PAG1: variants seen among roughly 807,000 people sequenced by gnomAD.
PAG1 encodes phosphoprotein membrane anchor with glycosphingolipid microdomains 1, also known as phosphoprotein associated with glycosphingolipid-enriched microdomains 1.
PAG1 carries 23 observed loss-of-function variants against 31.7 expected under a neutral mutation model. The observed-to-expected ratio is 0.73, with a 90% CI of 0.52 to 1.03. The LOEUF (loss-of-function observed/expected upper bound fraction) is 1.03, where lower values mean the gene tolerates loss of function less well. PAG1 is among the 50% of genes least tolerant of loss of function. The pLI is 0.00. For synonymous variants in PAG1, 214 were observed against 210.3 expected (o/e 1.02, Z -0.15); for missense variants, 473 against 540.7 (o/e 0.87, Z 1.24).
chr8:81,074,299 T>C (rs952894226), intron 1 of PAG1, among the ~76,000 whole-genome samples: 1 of 151,772 alleles, frequency 6.6e-6, no homozygotes, highest in East Asian at 1.9e-4. Flanking sequence ...TTACGCAGGG[T>C]TGGGGTTTTG....
chr8:80,981,063 G>A (rs919938696), intron 7 of PAG1, among the ~76,000 whole-genome samples: 16 of 151,850 alleles, frequency 1.1e-4, no homozygotes, highest in African/African-American at 1.9e-4. Flanking sequence ...TCTAAATCCC[G>A]CCCTTCAGTT....
intron 1 of PAG1, among the ~76,000 whole-genome samples, chr8:81,095,125 A>T (rs1351348725): frequency 6.6e-6 from 1 of 152,216 alleles, no homozygotes; most frequent in Non-Finnish European, 1.5e-5. Flanking sequence ...TCATTAGATG[A>T]GGACCAGGTA....
At chr8:81,053,505 T>C (rs1192029277) in intron 2 of PAG1, among the ~76,000 whole-genome samples, 3 of 152,222 alleles carry the variant, frequency 2.0e-5, no homozygotes, top group African/African-American at 4.8e-5. Flanking sequence ...TGACAGACTG[T>C]CAAAGGAATT....
intron 2 of PAG1, among the ~76,000 whole-genome samples, chr8:81,038,987 C>T (rs997263214): frequency 6.6e-6 from 1 of 152,124 alleles, no homozygotes; most frequent in African/African-American, 2.4e-5. Flanking sequence ...TGTTTAAACA[C>T]CCTAACAAGA....
intron 1 of PAG1, among the ~76,000 whole-genome samples, chr8:81,111,218 C>T (rs1438875738): frequency 3.3e-5 from 5 of 152,170 alleles, no homozygotes; most frequent in Admixed American, 2.0e-4. Flanking sequence ...AAAGATCCAT[C>T]GCAGTGCTGG....
At chr8:80,979,234 A>C (rs1242462158) in intron 8 of PAG1, among the ~76,000 whole-genome samples, 1 of 152,058 alleles carries the variant, frequency 6.6e-6, no homozygotes, top group Non-Finnish European at 1.5e-5. Context: ...AATTCCCAGA[A>C]CTCCTATATA....
At chr8:81,096,405 A>G (rs1039574500) in intron 1 of PAG1, among the ~76,000 whole-genome samples, 5 of 152,196 alleles carry the variant, frequency 3.3e-5, no homozygotes, top group African/African-American at 1.2e-4. Flanking sequence ...TGGACTTGAT[A>G]ATATATAAAA....
chr8:81,106,611 A>T (rs1809697289), intron 1 of PAG1, among the ~76,000 whole-genome samples: 1 of 152,244 alleles, frequency 6.6e-6, no homozygotes, highest in Admixed American at 6.5e-5. Context: ...ATGCCAAAAT[A>T]TTATAATCAC....
chr8:81,082,662 C>T (rs1328692343), intron 1 of PAG1, among the ~76,000 whole-genome samples: 1 of 152,182 alleles, frequency 6.6e-6, no homozygotes, highest in Non-Finnish European at 1.5e-5. Context: ...ATTCTTTCCC[C>T]TGTCCCCTGC....
At chr8:81,015,534 G>C (rs1288698851) in intron 3 of PAG1, among the ~76,000 whole-genome samples, 1 of 150,556 alleles carries the variant, frequency 6.6e-6, no homozygotes, top group East Asian at 1.9e-4. Context: ...TTTAACCTTT[G>C]TAAGAAGCAC....
At chr8:81,036,499 G>C (rs1197756990) in intron 2 of PAG1, among the ~76,000 whole-genome samples, 2 of 152,086 alleles carry the variant, frequency 1.3e-5, no homozygotes, top group Non-Finnish European at 2.9e-5. Flanking sequence ...TCAAAGTACA[G>C]ATATTTCATT....
At chr8:81,030,469 G>C (rs1486821096) in intron 2 of PAG1, among the ~76,000 whole-genome samples, 1 of 152,208 alleles carries the variant, frequency 6.6e-6, no homozygotes, top group Non-Finnish European at 1.5e-5. Context: ...TTCTGAATTT[G>C]AAATAAAACA....
At chr8:81,074,025 G>A (rs1394760439) in intron 1 of PAG1, among the ~76,000 whole-genome samples, 2 of 152,224 alleles carry the variant, frequency 1.3e-5, no homozygotes, top group African/African-American at 4.8e-5. Flanking sequence ...GGGGAGCACT[G>A]GCCAGGTGTG....
Position 80,976,786 on chromosome 8 carries a change from A to G in PAG1, c.1057T>C (p.Ser353Pro). 1 of 1,610,054 alleles carries G rather than the reference A, an allele frequency of 6.2e-7. No individual in the cohort carries two copies. Among genetic ancestry groups the G allele is most frequent in the Non-Finnish European group, 8.5e-7 (1 of 1,177,694 alleles). Reference protein sequence around the residue: ...SIQGDPQRSPSSCNDLYATVK... With the variant: ...SIQGDPQRSPPSCNDLYATVK... ...GTAGCATAGAGATCATTACAGGAGG[A>G]GGGTGACCTCTGTGGGTCCCCTTGA... The change falls in exon 9 of 9, where the codon TCC becomes CCC. Residue 353 changes from serine to proline, a missense_variant. Ser to Pro is a moderately conservative substitution (Grantham distance 74). Coordinates refer to ENST00000220597, the MANE Select transcript of PAG1 (RefSeq NM_018440.4).
At chr8:81,055,075 C>CTTTTTTTTTTT (rs773535023) in intron 2 of PAG1, among the ~76,000 whole-genome samples, 4 of 138,926 alleles carry the variant, frequency 2.9e-5, no homozygotes, top group African/African-American at 5.4e-5. Flanking sequence ...CTTTTTTTTT[C>CTTTTTTTTTTT]TTTTTTTTTT....
intron 7 of PAG1, among the ~76,000 whole-genome samples, chr8:80,981,553 G>C (rs1462647054): frequency 6.6e-6 from 1 of 151,960 alleles, no homozygotes; most frequent in Admixed American, 6.6e-5. Context: ...TTGCTTCCTA[G>C]TTGGCTAAGA....
chr8:81,088,991 A>T (rs940791775), intron 1 of PAG1, among the ~76,000 whole-genome samples: 6 of 152,244 alleles, frequency 3.9e-5, no homozygotes, highest in African/African-American at 1.4e-4. Context: ...TTAATATGCT[A>T]AATGATTTTT....
At chr8:80,980,568 T>A in intron 7 of PAG1, 74 bp from the exon 8 acceptor site, 2 of 930,216 alleles carry the variant, frequency 2.2e-6, no homozygotes, top group Non-Finnish European at 3.5e-6. Flanking sequence ...ACATGTTTCC[T>A]CATAATCTGT....
At chr8:80,989,736 G>A (rs745961888) in intron 5 of PAG1, among the ~76,000 whole-genome samples, 9 of 152,126 alleles carry the variant, frequency 5.9e-5, no homozygotes, top group Non-Finnish European at 1.3e-4. Flanking sequence ...TAGGCCAGTG[G>A]CTCTCACACT....
Sources: allele counts gnomAD v4.1 joint callset (sites outside exome capture counted in the v4.1 genomes callset), GRCh38; gene constraint gnomAD v4.1.1; transcripts MANE v1.5; gene names NCBI Gene and HGNC (gene_info 2026-07-23, HGNC 2026-07-21).